The following EIF2B4 variants were observed in gnomAD, a reference collection of about 807,000 sequenced individuals.
EIF2B4 encodes the protein eukaryotic translation initiation factor 2B subunit delta, also known as translation initiation factor eIF2B subunit delta.
In EIF2B4, 34 loss-of-function variants were observed where a neutral mutation model predicts 66.7. The ratio of observed to expected loss-of-function variants is 0.51; its 90% CI spans 0.39 to 0.68. EIF2B4 has a LOEUF of 0.68. Ranked by LOEUF, EIF2B4 falls within the 30% of genes least tolerant of loss-of-function variation. The pLI, the probability that EIF2B4 is intolerant of heterozygous loss-of-function variation, is 0.00. For synonymous variants in EIF2B4, 278 were observed against 253.6 expected (o/e 1.10, Z -0.92); for missense variants, 618 against 657.9 (o/e 0.94, Z 0.66).
intron 2 of EIF2B4, 64 bp from the exon 3 acceptor site, chr2:27,369,613 G>T: frequency 6.2e-7 from 1 of 1,611,244 alleles, no homozygotes; most frequent in East Asian, 2.2e-5. Flanking sequence ...AATACTATTG[G>T]ATGCTTACAA....
At position 27,369,050 on chromosome 2, in the gene EIF2B4, G is replaced by A. The variant is rs1572610537; in HGVS notation, c.374C>T (p.Pro125Leu). The A allele has an allele frequency of 6.2e-7, 1 of 1,614,094 alleles. No homozygotes were observed. Among genetic ancestry groups the A allele is most frequent in the Middle Eastern group, 1.6e-4 (1 of 6,062 alleles). Residue 125 changes from proline (P) to leucine (L), a missense_variant, in exon 4 of 13, where the codon CCA becomes CTA. Coordinates refer to ENST00000347454, the MANE Select transcript of EIF2B4 (RefSeq NM_001034116.2). ...TGTGCTGGGGCTGGCCTTAGGAGGT[G>A]GTCCTCCTTGTTCCCCTTTTCTTGC... ...KQARKGEQGG[P>L]PPKASPSTAG...
intron 2 of EIF2B4, 141 bp downstream of exon 2, chr2:27,369,735 C>G (rs1272551618): frequency 2.8e-5 from 41 of 1,438,772 alleles, no homozygotes; most frequent in Non-Finnish European, 3.8e-5. Flanking sequence ...TCATATATCC[C>G]TAGGGTTGCA....
At position 27,366,770 on chromosome 2, in the gene EIF2B4, C is replaced by T; in HGVS notation, c.1180G>A (p.Val394Met). 3.1e-6 allele frequency: 5 copies of T among 1,614,194 alleles called. No individual in the cohort carries two copies. Among genetic ancestry groups the T allele is most frequent in the Non-Finnish European group, 4.2e-6 (5 of 1,180,036 alleles). ...TCCTCTGTACTTACCTCTGGGAGCA[C>T]ATAGGAGGCTGCAGGAATCAGCAGG... The part of the protein sequence containing the change: ...SYLLIPAASY[V>M]LPEVSKVLLG... Residue 394 changes from valine to methionine, a missense_variant, in exon 11 of 13, where the codon GTG (valine) becomes ATG (methionine). Physicochemically the swap from Val to Met is conservative, Grantham distance 21 (BLOSUM62 1). Around this residue, in one of 4 missense-constraint regions of EIF2B4, gnomAD observed 506 missense variants for 511.9 expected, o/e 0.99. Coordinates refer to ENST00000347454, the MANE Select transcript of EIF2B4 (RefSeq NM_001034116.2).
rs1363300402 is a variant in EIF2B4 at position 27,368,908 on chromosome 2, G to A, written c.418+98C>T. 2.6e-6 allele frequency: 4 copies of A among 1,515,386 alleles called. No individual in the cohort carries two copies. The African/African-American group carries it at 4.1e-5, about 16-fold the overall frequency. 93.9% of individuals were successfully genotyped at this position (1,515,386 alleles called of 1,614,324 possible). On this transcript the variant is annotated intron_variant, in intron 4 of 12. Coordinates refer to ENST00000347454, the MANE Select transcript of EIF2B4 (RefSeq NM_001034116.2). The stretch of plus-strand genomic sequence containing the variant: ...TTGCAGGAACAATTCAGAACTCTGG[G>A]TCCCAAGAATGAGAGGGGAGAGCTG...
intron 11 of EIF2B4, chr2:27,365,726 C>T (rs2148370413): frequency 6.6e-6 from 1 of 152,216 alleles, no homozygotes; most frequent in Admixed American, 6.5e-5. Context: ...TGACCACTGA[C>T]CCACCAAATC....
At chr2:27,369,314 C>G in intron 3 of EIF2B4, 100 bp downstream of exon 3, 1 of 1,609,160 alleles carries the variant, frequency 6.2e-7, no homozygotes, top group Non-Finnish European at 8.5e-7. Flanking sequence ...GCTTTACACA[C>G]TTGCTCAAAT....
chr2:27,370,022 A>G, intron 1 of EIF2B4, 103 bp from the exon 2 acceptor site: 1 of 1,519,832 alleles, frequency 6.6e-7, no homozygotes, highest in South Asian at 1.2e-5. Flanking sequence ...ATGACCACGG[A>G]TCCGCCGGCA....
chr2:27,368,449 C>T lies in EIF2B4; in HGVS notation c.513G>A (p.Lys171=). 6.2e-7 allele frequency: 1 copy of T among 1,614,046 alleles called. No individual in the cohort carries two copies. The highest frequency in any genetic ancestry group is 8.5e-7 in the Non-Finnish European group (1 of 1,179,952). The change falls in exon 6 of 13, where the codon AAG becomes AAA. Residue 171 remains lysine (K), a synonymous_variant. Transcript: ENST00000347454. ...AGAGACTGACTTTGGATCCATAATC[C>T]TTTCGTGTAGGAACCTTGACAAAAC... is the stretch of plus-strand genomic sequence containing the variant. ...KPERQQVPTR[K]DYGSKVSLFS...
rs764607200 is a variant in EIF2B4 at position 27,370,295 on chromosome 2, G to C, written c.20C>G (p.Ala7Gly). 5.2e-6 allele frequency: 8 copies of C among 1,546,640 alleles called. No homozygotes were observed. The Admixed American group carries it at 1.2e-4, about 23-fold the overall frequency. MAAVAV[A>G]VREDSGSGMK... ...GGCTCTTCACTCACCCTCGCGAACA[G>C]CCACGGCCACAGCAGCCATCGCCCT... Residue 7 changes from alanine (A) to glycine (G), a missense_variant, in exon 1 of 13, where the codon GCT becomes GGT. Ala to Gly is a moderately conservative substitution (Grantham distance 60). Coordinates refer to ENST00000347454, the MANE Select transcript of EIF2B4 (RefSeq NM_001034116.2).
chr2:27,367,517 G>A lies in EIF2B4; in HGVS notation c.825C>T (p.Asn275=), dbSNP rs149782530. The A allele has an allele frequency of 1.1e-5, 17 of 1,614,044 alleles. No homozygotes were observed. Among genetic ancestry groups the A allele is most frequent in the East Asian group, 4.5e-5 (2 of 44,884 alleles). ...QCRPLSASMH[N]AIKFLNKEIT... is the part of the protein sequence containing the mutation. ...TTTCCTTGTTAAGGAACTTGATGGC[G>A]TTGTGCATGCTCGCTGACAGGGGAC... Residue 275 remains asparagine, a synonymous_variant, in exon 9 of 13, where the codon AAC becomes AAT. Coordinates refer to ENST00000347454, the MANE Select transcript of EIF2B4 (RefSeq NM_001034116.2).
intron 4 of EIF2B4, 70 bp downstream of exon 4, chr2:27,368,936 T>C (rs897166165): frequency 5.7e-6 from 9 of 1,588,780 alleles, no homozygotes; most frequent in Non-Finnish European, 7.8e-6. Flanking sequence ...GAGAGCTGTT[T>C]TACTATTGGG....
At chr2:27,369,622 A>G in intron 2 of EIF2B4, 73 bp from the exon 3 acceptor site, 1 of 1,609,650 alleles carries the variant, frequency 6.2e-7, no homozygotes, top group Non-Finnish European at 8.5e-7. Context: ...GGATGCTTAC[A>G]AGATTTCCAC....
chr2:27,368,243 T>A (rs1415457858), intron 6 of EIF2B4, 104 bp from the exon 7 acceptor site: 12 of 1,295,324 alleles, frequency 9.3e-6, no homozygotes, highest in Non-Finnish European at 1.2e-5. Flanking sequence ...ATTTCCCCAC[T>A]CCTCTACAGT....
Position 27,368,111 on chromosome 2 carries a change from T to C in EIF2B4, c.619A>G (p.Met207Val). 6.3e-7 allele frequency: 1 copy of C among 1,596,724 alleles called. No homozygotes were observed. The highest frequency in any genetic ancestry group is 8.5e-7 in the Non-Finnish European group (1 of 1,171,344). Residue 207 changes from methionine (M) to valine (V), a missense_variant, in exon 7 of 13, where the codon ATG becomes GTG. Physicochemically the swap from Met to Val is conservative, Grantham distance 21 (BLOSUM62 1). Coordinates refer to ENST00000347454, the MANE Select transcript of EIF2B4 (RefSeq NM_001034116.2). ...GAGTACTGCAGGCCGAGTCGCACCA[T>C]GGCTGGGTGGATCACAGAGGATGGG... The part of the protein sequence containing the change: ...SIPSSVIHPA[M>V]VRLGLQYSQG...
rs761101091 is a variant in EIF2B4 at position 27,367,608 on chromosome 2, AC to A, written c.783-50del. The A allele has an allele frequency of 8.1e-6, 13 of 1,605,212 alleles. No homozygotes were observed. The Admixed American group carries it at 2.2e-4, about 27-fold the overall frequency. ...ATATCTGCGCAACTCTTCACAACTTACAAAGCCTTCACATTTAAAAAAAAAG... is the reference window on the plus strand; with the variant it reads ...ATATCTGCGCAACTCTTCACAACTTAAAAGCCTTCACATTTAAAAAAAAAG... On this transcript the variant is annotated intron_variant, in intron 8 of 12. Coordinates refer to ENST00000347454, the MANE Select transcript of EIF2B4 (RefSeq NM_001034116.2).
intron 5 of EIF2B4, 83 bp from the exon 6 acceptor site, chr2:27,368,546 C>T: frequency 6.5e-7 from 1 of 1,548,706 alleles, no homozygotes; most frequent in Non-Finnish European, 8.9e-7. Context: ...AACAGTAAGA[C>T]TACTCTGACC....
chr2:27,369,789 C>T (rs1682224000), intron 2 of EIF2B4, 87 bp downstream of exon 2: 1 of 1,494,596 alleles, frequency 6.7e-7, no homozygotes. Context: ...AATAAACCGA[C>T]ACGGGATGGG....
rs767857138 is a variant in EIF2B4, at chr2:27,366,878, C to T, written c.1072G>A (p.Val358Met). The change falls in exon 11 of 13, where the codon GTG (valine) becomes ATG (methionine). Residue 358 changes from valine to methionine, a missense_variant. By Grantham distance (21) the Val-to-Met change is conservative (BLOSUM62 1). This residue lies in a region of EIF2B4 where 506 missense variants were observed against 511.9 expected (regional missense o/e 0.99). Coordinates refer to ENST00000347454, the MANE Select transcript of EIF2B4 (RefSeq NM_001034116.2). The part of the protein sequence containing the change: ...EAWTEGRRFR[V>M]VVVDSRPWLE... ...CATGGCCGGCTGTCCACCACTACCA[C>T]CCGAAACCGCCGGCCCTCTGTCCAA... 2 of 1,614,162 alleles carry T rather than the reference C, an allele frequency of 1.2e-6. No homozygotes were observed. The highest frequency in any genetic ancestry group is 1.7e-6 in the Non-Finnish European group (2 of 1,180,016).
In EIF2B4 at chr2:27,369,562, C is replaced by G. The variant is rs1227915459; in HGVS notation, c.76-13G>C. ...CCCTCCCCACTGCCTGAGACACAGA[C>G]ATAGGATACTGCTCTTCCCCAACAA... On this transcript the variant is annotated splice_polypyrimidine_tract_variant and intron_variant, in intron 2 of 12. Coordinates refer to ENST00000347454, the MANE Select transcript of EIF2B4 (RefSeq NM_001034116.2). The G allele has an allele frequency of 1.9e-6, 3 of 1,614,002 alleles. No homozygotes were observed. Among genetic ancestry groups the G allele is most frequent in the Non-Finnish European group, 2.5e-6 (3 of 1,180,034 alleles).
Sources: gnomAD v4.1 joint callset for allele counts on GRCh38, gnomAD v4.1.1 for gene constraint, gnomAD v4.1.1 regional missense constraint, MANE v1.5 for transcripts, NCBI Gene and HGNC (gene_info 2026-07-23, HGNC 2026-07-21) for gene names.